Variants in KRT73 observed in about 807,000 individuals in gnomAD.
KRT73 encodes keratin 73.
Under a neutral mutation model 47.2 loss-of-function variants are expected in KRT73, and 44 were observed. The ratio of observed to expected loss-of-function variants is 0.93; its 90% CI spans 0.73 to 1.20. The LOEUF (loss-of-function observed/expected upper bound fraction) is 1.20, where lower values mean the gene tolerates loss of function less well. KRT73 is among the 50% of genes most tolerant of loss of function. KRT73 has a pLI of 0.00. For missense variants in KRT73, 713 were observed against 704.5 expected (o/e 1.01, Z -0.14); for synonymous variants, 285 against 291.3 (o/e 0.98, Z 0.22).
chr12:52,620,109 C>CTTTTTTTTTTTTTTTTTTT (rs10638831), upstream of KRT73, among the ~76,000 whole-genome samples: 1 of 94,446 alleles, frequency 1.1e-5, no homozygotes, highest in African/African-American at 4.3e-5. Context: ...TCCTTTTTTT[C>CTTTTTTTTTTTTTTTTTTT]TTTTTTTTTT....
chr12:52,614,034 G>A, intron 4 of KRT73, 182 bp from the exon 5 acceptor site: 1 of 822,138 alleles, frequency 1.2e-6, no homozygotes, highest in African/African-American at 1.7e-5. Context: ...GAAAACTGCT[G>A]AATGGGTTTG....
chr12:52,624,617 A>G, the KRT73 span, among the ~76,000 whole-genome samples: 1 of 152,276 alleles, frequency 6.6e-6, no homozygotes, highest in African/African-American at 2.4e-5. Context: ...AACAGGATCT[A>G]TCCAAACACT....
chr12:52,626,310 T>A, the KRT73 span, among the ~76,000 whole-genome samples: 1 of 152,372 alleles, frequency 6.6e-6, no homozygotes, highest in East Asian at 1.9e-4. Context: ...GAACCAGGAC[T>A]GGAAGCCAGG....
intron 1 of KRT73, among the ~76,000 whole-genome samples, chr12:52,617,209 C>A (rs1382369194): frequency 6.6e-6 from 1 of 152,216 alleles, no homozygotes; most frequent in Non-Finnish European, 1.5e-5. Flanking sequence ...TCATGCCTCA[C>A]CACCCTACCT....
At chr12:52,628,519 A>G in the KRT73 span, among the ~76,000 whole-genome samples, 1 of 152,226 alleles carries the variant, frequency 6.6e-6, no homozygotes, top group African/African-American at 2.4e-5. Flanking sequence ...CTTGCTAAAC[A>G]TGGTTGCAGA....
At chr12:52,609,418 G>T (rs1940649744) in intron 7 of KRT73, 137 bp from the exon 8 acceptor site, 3 of 739,954 alleles carry the variant, frequency 4.1e-6, no homozygotes, top group Non-Finnish European at 7.4e-6. Flanking sequence ...GATGGCACTG[G>T]CTGCCCTTGC....
intron 3 of KRT73, 95 bp downstream of exon 3, chr12:52,615,184 G>T (rs1029740717): frequency 1.9e-6 from 2 of 1,046,528 alleles, no homozygotes; most frequent in Non-Finnish European, 1.4e-6. Context: ...TTGGCTCCAG[G>T]CCCTTCTGCG....
Position 52,607,975 on chromosome 12 carries a change from G to A in KRT73, c.*221C>T, listed in dbSNP as rs1014744091. The A allele has an allele frequency of 4.2e-5, 23 of 551,508 alleles. No individual in the cohort carries two copies. Among genetic ancestry groups the A allele is most frequent in the Non-Finnish European group, 7.3e-5 (23 of 315,234 alleles). 34.2% of individuals were successfully genotyped at this position (551,508 alleles called of 1,614,324 possible). On this transcript the variant is annotated 3_prime_UTR_variant, in exon 9 of 9. Coordinates refer to ENST00000305748, the MANE Select transcript of KRT73 (RefSeq NM_175068.3). ...CCAGAAGGGGAGGCTGAGTTAAAAGGCCTCTTTGGATGGAGGCAGAAAGAT... is the reference window on the plus strand; with the variant it reads ...CCAGAAGGGGAGGCTGAGTTAAAAGACCTCTTTGGATGGAGGCAGAAAGAT...
At position 52,618,247 on chromosome 12, in the gene KRT73, G is replaced by A. The variant is rs753883141; in HGVS notation, c.278C>T (p.Ser93Phe). The A allele has an allele frequency of 2.7e-5, 43 of 1,614,138 alleles. No individual in the cohort carries two copies. In the South Asian group the frequency reaches 3.6e-4, roughly 14 times the overall value. The change falls in exon 1 of 9, where the codon TCC becomes TTC. Residue 93 changes from serine (S) to phenylalanine (F), a missense_variant. Coordinates refer to ENST00000305748, the MANE Select transcript of KRT73 (RefSeq NM_175068.3). ...GSMFGSVALG[S>F]VCPSLCPPGG... Reference sequence around the variant, plus strand: ...GGGCGGGCACAACGACGGACACACGGACCCCAAGGCCACACTGCCAAACAT... The same window carrying A: ...GGGCGGGCACAACGACGGACACACGAACCCCAAGGCCACACTGCCAAACAT...
chr12:52,615,027 C>G, intron 3 of KRT73: 1 of 542,236 alleles, frequency 1.8e-6, no homozygotes, highest in Non-Finnish European at 3.3e-6. Context: ...CAAAGCCTGT[C>G]CTGTTCCCCA....
chr12:52,614,561 G>T lies in KRT73; in HGVS notation c.819+18C>A, dbSNP rs11170199. The T allele has an allele frequency of 5.0e-3, 7,985 of 1,600,482 alleles. 525 individuals are homozygous for T. The East Asian group carries it at 0.15, about 30-fold the overall frequency. ...CTTCCAGAAGACAGAGCCAGAGGTG[G>T]GGCAGGGGGAGCCTTACCCCCTCGT... is the stretch of plus-strand genomic sequence containing the variant. On this transcript the variant is annotated intron_variant, in intron 4 of 8. Transcript: ENST00000305748.
chr12:52,610,741 G>T lies in KRT73; in HGVS notation c.1205C>A (p.Ala402Asp), dbSNP rs750248909. Residue 402 changes from alanine (A) to aspartate (D), a missense_variant, in exon 7 of 9, where the codon GCC (alanine) becomes GAC (aspartate). Ala to Asp is a moderately radical substitution (Grantham distance 126). Transcript: ENST00000305748. ...ARAKLDELEG[A>D]LQQAKEELAR... Reference sequence around the variant, plus strand: ...CAGCTCCTCCTTGGCCTGCTGCAGGGCGCCCTCCAGCTCATCCAGCTTGGC... The same window carrying T: ...CAGCTCCTCCTTGGCCTGCTGCAGGTCGCCCTCCAGCTCATCCAGCTTGGC... 1 of 1,613,780 alleles carries T rather than the reference G, an allele frequency of 6.2e-7. No individual in the cohort carries two copies. Among genetic ancestry groups the T allele is most frequent in the Non-Finnish European group, 8.5e-7 (1 of 1,180,004 alleles).
chr12:52,618,389 G>C lies in KRT73; in HGVS notation c.136C>G (p.Arg46Gly). The part of the protein sequence containing the change: ...GKGLSGGFSS[R>G]SLYSLGGARS... Reference sequence around the variant, plus strand: ...GCACCCCCCAGGCTGTAAAGGCTCCGACTGCTGAAGCCTCCACTGAGCCCT... The same window carrying C: ...GCACCCCCCAGGCTGTAAAGGCTCCCACTGCTGAAGCCTCCACTGAGCCCT... Residue 46 changes from arginine (R) to glycine (G), a missense_variant, in exon 1 of 9, where the codon CGG becomes GGG. Arg to Gly is a moderately radical substitution (Grantham distance 125). Coordinates refer to ENST00000305748, the MANE Select transcript of KRT73 (RefSeq NM_175068.3). 2 of 1,614,178 alleles carry C rather than the reference G, an allele frequency of 1.2e-6. No homozygotes were observed. The highest frequency in any genetic ancestry group is 1.3e-5 in the African/African-American group (1 of 75,060).
Position 52,618,423 on chromosome 12 carries a change from T to C in KRT73, c.102A>G (p.Ala34=). ...LSGGSSSSYR[A]GGKGLSGGFS... ...AGCCTCCACTGAGCCCTTTGCCCCC[T>C]GCTCGGTAGGAGGATGAGCTGCCCC... The change falls in exon 1 of 9, where the codon GCA becomes GCG. Residue 34 remains alanine, a synonymous_variant. Coordinates refer to ENST00000305748, the MANE Select transcript of KRT73 (RefSeq NM_175068.3). 1 of 1,614,134 alleles carries C rather than the reference T, an allele frequency of 6.2e-7. No individual in the cohort carries two copies. The highest frequency in any genetic ancestry group is 8.5e-7 in the Non-Finnish European group (1 of 1,180,024).
chr12:52,624,818 CA>C, the KRT73 span, among the ~76,000 whole-genome samples: 45,413 of 149,698 alleles, frequency 0.3, 7,215 homozygotes, highest in East Asian at 0.6. Flanking sequence ...GACAACAAAA[CA>C]AAAAAAAAAA....
upstream of KRT73, chr12:52,618,697 AC>A: frequency 1.5e-6 from 1 of 651,956 alleles, no homozygotes; most frequent in Non-Finnish European, 2.5e-6. Context: ...AAAATCAGAC[AC>A]CAGGTAAATG....
intron 5 of KRT73, chr12:52,612,530 C>T (rs1940723064): frequency 6.6e-6 from 1 of 152,200 alleles, no homozygotes; most frequent in Admixed American, 6.5e-5. Flanking sequence ...GGGCTTCTCT[C>T]TTCACTCCTT....
At chr12:52,610,966 G>T in intron 6 of KRT73, 131 bp from the exon 7 acceptor site, 1 of 909,352 alleles carries the variant, frequency 1.1e-6, no homozygotes, top group Non-Finnish European at 1.6e-6. Context: ...CCACATCCAG[G>T]TGGAGTCCTG....
Position 52,614,581 on chromosome 12 carries a change from C to G in KRT73, c.817G>C (p.Gly273Arg). 6.2e-7 allele frequency: 1 copy of G among 1,613,296 alleles called. No homozygotes were observed. The highest frequency in any genetic ancestry group is 8.5e-7 in the Non-Finnish European group (1 of 1,179,512). Residue 273 changes from glycine to arginine, a missense_variant and splice_region_variant, in exon 4 of 9, where the codon GGG becomes CGG. By Grantham distance (125) the Gly-to-Arg change is moderately radical. Coordinates refer to ENST00000305748, the MANE Select transcript of KRT73 (RefSeq NM_175068.3). ...EIKFFKCLYE[G>R]ETAQIQSHIS... ...AGGTGGGGCAGGGGGAGCCTTACCC[C>G]CTCGTACAGACACTTGAAGAACTTG...
Sources: allele counts gnomAD v4.1 joint callset (sites outside exome capture counted in the v4.1 genomes callset), GRCh38; gene constraint gnomAD v4.1.1; transcripts MANE v1.5; gene names NCBI Gene and HGNC (gene_info 2026-07-23, HGNC 2026-07-21).